Variants in EIF3A observed in about 807,000 individuals in gnomAD.
EIF3A encodes EIF3, p180 subunit.
In EIF3A, 21 loss-of-function variants were observed where a neutral mutation model predicts 186.6. That is an observed-to-expected ratio of 0.11 (90% CI 0.08 to 0.16). EIF3A has a LOEUF of 0.16. Ranked by LOEUF, EIF3A falls within the 10% of genes least tolerant of loss-of-function variation. The probability of loss-of-function intolerance (pLI) is 1.00; values close to 1 mark genes in which losing one functional copy is unlikely to be tolerated. For missense variants in EIF3A, 1,306 were observed against 1,796.3 expected (o/e 0.73, Z 4.93); for synonymous variants, 563 against 584.3 (o/e 0.96, Z 0.52).
At chr10:119,052,368 T>TG (rs1848367766) in intron 14 of EIF3A, among the ~76,000 whole-genome samples, 15 of 122,970 alleles carry the variant, frequency 1.2e-4, no homozygotes, top group African/African-American at 3.2e-4. Context: ...TTTTTTGGTT[T>TG]TGTGTGTGTG....
chr10:119,068,292 T>C (rs1844012328), intron 6 of EIF3A, among the ~76,000 whole-genome samples: 1 of 152,226 alleles, frequency 6.6e-6, no homozygotes, highest in African/African-American at 2.4e-5. Flanking sequence ...GACCCTTCCT[T>C]TTATATTCAT....
At chr10:119,069,421 C>T (rs928857490) in intron 6 of EIF3A, 25 bp downstream of exon 6, 2 of 1,117,100 alleles carry the variant, frequency 1.8e-6, no homozygotes, top group Non-Finnish European at 2.7e-6. Context: ...AGAATTTCAA[C>T]ATTATCCAAG....
chr10:119,075,783 A>C (rs1473956472), intron 1 of EIF3A, among the ~76,000 whole-genome samples: 9 of 123,186 alleles, frequency 7.3e-5, no homozygotes, highest in Non-Finnish European at 3.1e-5. Context: ...GTGCAATCTC[A>C]GCTCACTGCA....
At chr10:119,072,325 C>T (rs1427713209) in intron 4 of EIF3A, among the ~76,000 whole-genome samples, 1 of 149,034 alleles carries the variant, frequency 6.7e-6, no homozygotes, top group African/African-American at 2.5e-5. Context: ...TTCATTATTA[C>T]TGATGTTTGT....
chr10:119,076,951 A>AG (rs983148615), intron 1 of EIF3A, among the ~76,000 whole-genome samples: 16 of 148,060 alleles, frequency 1.1e-4, no homozygotes, highest in African/African-American at 4.2e-4. Flanking sequence ...AAAAAAAAAA[A>AG]AAGAAAATGT....
At chr10:119,064,792 C>T (rs186019460) in intron 7 of EIF3A, among the ~76,000 whole-genome samples, 82 of 152,328 alleles carry the variant, frequency 5.4e-4, no homozygotes, top group African/African-American at 1.7e-3. Flanking sequence ...ACTGCAACCT[C>T]CGCCTCCCGG....
intron 8 of EIF3A, 80 bp from the exon 9 acceptor site, chr10:119,060,924 A>G: frequency 1.1e-6 from 1 of 924,886 alleles, no homozygotes; most frequent in Non-Finnish European, 1.7e-6. Context: ...TTTTTTTTTT[A>G]ATATACAAAA....
intron 1 of EIF3A, among the ~76,000 whole-genome samples, chr10:119,078,454 T>C (rs902630345): frequency 1.3e-5 from 2 of 152,230 alleles, no homozygotes; most frequent in African/African-American, 4.8e-5. Context: ...GGATCACAAA[T>C]ATTACATGTA....
chr10:119,051,319 A>T lies in EIF3A; in HGVS notation c.2199T>A (p.Ile733=), dbSNP rs1050252923. 1.3e-6 allele frequency: 2 copies of T among 1,580,326 alleles called. No homozygotes were observed. Among genetic ancestry groups the T allele is most frequent in the African/African-American group, 2.8e-5 (2 of 72,390 alleles). Residue 733 remains isoleucine, a splice_region_variant and synonymous_variant, in exon 15 of 22, where the codon ATT becomes ATA. Transcript: ENST00000369144. Reference sequence around the variant, plus strand: ...TTTCACGTTCTAGCTGCATTGTAGTAATCTGCAAGTACAAATATTGTGAAA... The same window carrying T: ...TTTCACGTTCTAGCTGCATTGTAGTTATCTGCAAGTACAAATATTGTGAAA... ...DLWEQQEEER[I]TTMQLEREKA... is the part of the protein sequence containing the mutation.
Position 119,050,513 on chromosome 10 carries a change from C to CTG in EIF3A, c.2473+6_2473+7dup. On this transcript the variant is annotated splice_region_variant and intron_variant, in intron 16 of 21. Coordinates refer to ENST00000369144, the MANE Select transcript of EIF3A (RefSeq NM_003750.4). Reference sequence around the variant, plus strand: ...TAGCACCCCTCCAATCCTGTTTGACCTGTGTACCTTTTAGCATTTGTTCTT... The same window carrying CTG: ...TAGCACCCCTCCAATCCTGTTTGACCTGTGTGTACCTTTTAGCATTTGTTCTT... 6.2e-7 allele frequency: 1 copy of CTG among 1,613,460 alleles called. No individual in the cohort carries two copies. Among genetic ancestry groups the CTG allele is most frequent in the Non-Finnish European group, 8.5e-7 (1 of 1,179,596 alleles).
chr10:119,051,110 AAAG>A, intron 15 of EIF3A, 86 bp downstream of exon 15: 2 of 1,161,594 alleles, frequency 1.7e-6, no homozygotes, highest in South Asian at 3.4e-5. Context: ...GTAACTCAAT[AAAG>A]AATATACCAA....
chr10:119,035,561 T>C lies in EIF3A; in HGVS notation c.*478A>G, dbSNP rs1848116239. ...CTAAATTTAGTTTATGGTAAATACC[T>C]CAAAATACCTAAAATAGGTACGTAT... On this transcript the variant is annotated 3_prime_UTR_variant, in exon 22 of 22. Transcript: ENST00000369144. 1 of 152,886 alleles carries C rather than the reference T, an allele frequency of 6.5e-6. No individual in the cohort carries two copies. The highest frequency in any genetic ancestry group is 1.5e-5 in the Non-Finnish European group (1 of 68,334). 9.5% of individuals were successfully genotyped at this position (152,886 alleles called of 1,614,324 possible).
At chr10:119,072,740 C>G (rs1844098957) in intron 4 of EIF3A, 150 bp downstream of exon 4, 2 of 932,100 alleles carry the variant, frequency 2.1e-6, no homozygotes, top group Non-Finnish European at 3.1e-6. Flanking sequence ...CAGGTGTGAG[C>G]CACCACATCC....
Position 119,070,960 on chromosome 10 carries a change from G to C in EIF3A, c.667C>G (p.Pro223Ala). The part of the protein sequence containing the change: ...NQSTAINLNN[P>A]ESQSMHLETR... ...TCCAAATGCATGGACTGGCTCTCTG[G>C]ATTATTAAGATTGATTGCCGTACTT... Residue 223 changes from proline (P) to alanine (A), a missense_variant, in exon 5 of 22, where the codon CCA (proline) becomes GCA (alanine). This residue lies in a region of EIF3A where 267 missense variants were observed against 367.8 expected (regional missense o/e 0.73). Transcript: ENST00000369144. 2 of 1,613,838 alleles carry C rather than the reference G, an allele frequency of 1.2e-6. No individual in the cohort carries two copies. Among genetic ancestry groups the C allele is most frequent in the Non-Finnish European group, 1.7e-6 (2 of 1,179,732 alleles).
chr10:119,059,197 C>CG lies in EIF3A; in HGVS notation c.1629+14dup. On this transcript the variant is annotated intron_variant, in intron 11 of 21. Transcript: ENST00000369144. ...TCAAAACTTCTGGGATTTATTTCCC[C>CG]GGGAAGATGCATACCAGTATATGAG... The CG allele has an allele frequency of 6.2e-7, 1 of 1,607,054 alleles. No individual in the cohort carries two copies. Among genetic ancestry groups the CG allele is most frequent in the Non-Finnish European group, 8.5e-7 (1 of 1,177,130 alleles).
In EIF3A at chr10:119,068,838, T is replaced by C. The variant is rs1033477179; in HGVS notation, c.950+608A>G. The stretch of plus-strand genomic sequence containing the variant: ...AAATGCAAAAATTAGCCGGGCATGG[T>C]GGTGGGTGCCTGTAATCCCAGCTAC... On this transcript the variant is annotated intron_variant, in intron 6 of 21. Transcript: ENST00000369144. Among the ~76,000 whole-genome samples, 3 of 151,236 alleles carry C rather than the reference T, an allele frequency of 2.0e-5. No homozygotes were observed. The East Asian group carries it at 5.8e-4, about 29-fold the overall frequency.
intron 19 of EIF3A, 132 bp downstream of exon 19, chr10:119,041,862 T>G (rs894010144): frequency 5.9e-6 from 6 of 1,009,624 alleles, no homozygotes; most frequent in Admixed American, 2.7e-5. Flanking sequence ...GCGAAGTCAC[T>G]GCAAATGATA....
At chr10:119,058,391 T>C (rs1034625533) in intron 11 of EIF3A, 88 bp from the exon 12 acceptor site, 1 of 892,608 alleles carries the variant, frequency 1.1e-6, no homozygotes, top group African/African-American at 1.7e-5. Flanking sequence ...AATCCTGATG[T>C]ACTGCCTTTC....
At chr10:119,068,405 T>C (rs1359022610) in intron 6 of EIF3A, among the ~76,000 whole-genome samples, 1 of 152,220 alleles carries the variant, frequency 6.6e-6, no homozygotes, top group East Asian at 1.9e-4. Context: ...CCAGGCGTGG[T>C]GGCTCACACC....
Sources: allele counts gnomAD v4.1 joint callset (sites outside exome capture counted in the v4.1 genomes callset), GRCh38; gene constraint gnomAD v4.1.1; regional missense constraint gnomAD v4.1.1; transcripts MANE v1.5; gene names NCBI Gene and HGNC (gene_info 2026-07-23, HGNC 2026-07-21).